PRMT2: variants seen among roughly 807,000 people sequenced by gnomAD.
PRMT2 encodes protein arginine methyltransferase 2.
In PRMT2, 26 loss-of-function variants were observed where a neutral mutation model predicts 57.6. That is an observed-to-expected ratio of 0.45 (90% CI 0.33 to 0.63). PRMT2 has a LOEUF of 0.63. PRMT2 is among the 20% of genes least tolerant of loss of function. The pLI is 0.02. For synonymous variants in PRMT2, 219 were observed against 220.0 expected, an observed-to-expected ratio of 1.00 and a Z score of 0.04; for missense variants, 472 against 564.4, an observed-to-expected ratio of 0.84 and a Z score of 1.66.
At chr21:46,659,023 A>C (rs2061581752) in intron 8 of PRMT2, 103 bp downstream of exon 8, 1 of 1,475,740 alleles carries the variant, frequency 6.8e-7, no homozygotes, top group Admixed American at 2.5e-5. Context: ...CGGTTGGATA[A>C]ATGAGGGTAC....
chr21:46,660,457 T>C (rs1287067340), intron 8 of PRMT2, among the ~76,000 whole-genome samples: 1 of 152,172 alleles, frequency 6.6e-6, no homozygotes, highest in African/African-American at 2.4e-5. Context: ...TCAAATACAT[T>C]CTAAAACTAG....
At chr21:46,653,891 T>G in intron 7 of PRMT2, 1 of 1,016,156 alleles carries the variant, frequency 9.8e-7, no homozygotes, top group Non-Finnish European at 1.2e-6. Flanking sequence ...AACAATGCAC[T>G]TTGTCTGCAC....
In PRMT2 at chr21:46,658,762, G is replaced by A; in HGVS notation, c.672G>A (p.Glu224=). Residue 224 remains glutamate (E), a synonymous_variant, in exon 8 of 12, where the codon GAG becomes GAA. Coordinates refer to ENST00000355680, the MANE Select transcript of PRMT2 (RefSeq NM_206962.4). Reference sequence around the variant, plus strand: ...CTATGCAGTTTGAGTTCATGATCGAGTCCATCCTGTATGCCCGGGATGCCT... The same window carrying A: ...CTATGCAGTTTGAGTTCATGATCGAATCCATCCTGTATGCCCGGGATGCCT... ...GTCLLFEFMI[E]SILYARDAWL... is the part of the protein sequence containing the mutation. 1 of 1,614,216 alleles carries A rather than the reference G, an allele frequency of 6.2e-7. No homozygotes were observed. Among genetic ancestry groups the A allele is most frequent in the Non-Finnish European group, 8.5e-7 (1 of 1,180,024 alleles).
At chr21:46,653,659 C>A in intron 7 of PRMT2, 2 of 1,248,682 alleles carry the variant, frequency 1.6e-6, no homozygotes, top group South Asian at 1.4e-5. Flanking sequence ...GTTGCATTCC[C>A]TGGAGCTCAT....
chr21:46,653,668 A>G lies in PRMT2; in HGVS notation c.654+3929A>G. On this transcript the variant is annotated intron_variant, in intron 7 of 11. Transcript: ENST00000355680. ...TTTTTGGTTGCATTCCCTGGAGCTCATGTAGATCATTTTACTTTTCAGAGG... is the reference window on the plus strand; with the variant it reads ...TTTTTGGTTGCATTCCCTGGAGCTCGTGTAGATCATTTTACTTTTCAGAGG... 4 of 1,254,598 alleles carry G rather than the reference A, an allele frequency of 3.2e-6. No homozygotes were observed. In the South Asian group the frequency reaches 4.2e-5, roughly 13 times the overall value. 77.7% of individuals were successfully genotyped at this position (1,254,598 alleles called of 1,614,324 possible).
intron 4 of PRMT2, 151 bp downstream of exon 4, chr21:46,643,790 G>C: frequency 9.7e-7 from 1 of 1,029,188 alleles, no homozygotes; most frequent in Non-Finnish European, 1.3e-6. Flanking sequence ...TCACAGCCCA[G>C]CCAGTTCTGC....
intron 7 of PRMT2, chr21:46,651,939 G>C: frequency 1.9e-6 from 3 of 1,613,246 alleles, no homozygotes; most frequent in Non-Finnish European, 2.5e-6. Flanking sequence ...CTTGCCTGCT[G>C]TCTGCCTGTT....
Position 46,664,627 on chromosome 21 carries a change from C to T in PRMT2, c.*300C>T. 1 of 498,764 alleles carries T rather than the reference C, an allele frequency of 2.0e-6. No individual in the cohort carries two copies. The highest frequency in any genetic ancestry group is 3.3e-5 in the Admixed American group (1 of 30,368). 30.9% of individuals were successfully genotyped at this position (498,764 alleles called of 1,614,324 possible). A position where few individuals can be genotyped will look rare whatever the true frequency, so the allele number is the denominator to read the frequency against. On this transcript the variant is annotated 3_prime_UTR_variant, in exon 12 of 12. Transcript: ENST00000355680. ...CCGACCCGTGGCTGGGTCGGAGCTC[C>T]ATGTTCCTAAGCTAGGTCTAGGTCT... is the stretch of plus-strand genomic sequence containing the variant.
At chr21:46,651,857 C>A in intron 7 of PRMT2, 1 of 1,613,016 alleles carries the variant, frequency 6.2e-7, no homozygotes, top group East Asian at 2.2e-5. Flanking sequence ...TGCGTCTGGC[C>A]CTCTTCACGT....
Position 46,649,791 on chromosome 21 carries a change from C to G in PRMT2, c.654+52C>G. 1 of 1,582,778 alleles carries G rather than the reference C, an allele frequency of 6.3e-7. No individual in the cohort carries two copies. Among genetic ancestry groups the G allele is most frequent in the Non-Finnish European group, 8.6e-7 (1 of 1,163,682 alleles). ...GGGCCGGAGCTGGGGGGCTTCTGAG[C>G]ACGGGCTCGGCTGGGCCAACCTCAG... On this transcript the variant is annotated intron_variant, in intron 7 of 11. Coordinates refer to ENST00000355680, the MANE Select transcript of PRMT2 (RefSeq NM_206962.4). The surrounding 1 kb of genome is among the most constrained non-coding windows in gnomAD (Gnocchi z 4.8).
At position 46,649,755 on chromosome 21, in the gene PRMT2, C is replaced by T. The variant is rs1372800968; in HGVS notation, c.654+16C>T. On this transcript the variant is annotated intron_variant, in intron 7 of 11. Transcript: ENST00000355680. The surrounding 1 kb of genome is among the most constrained non-coding windows in gnomAD (Gnocchi z 4.8). ...CTGCCTGCTGGTGAGGGCGGGCGTGCGGGCAGCTGGGGGCCGGAGCTGGGG... is the reference window on the plus strand; with the variant it reads ...CTGCCTGCTGGTGAGGGCGGGCGTGTGGGCAGCTGGGGGCCGGAGCTGGGG... 8 of 1,608,318 alleles carry T rather than the reference C, an allele frequency of 5.0e-6. No individual in the cohort carries two copies. Among genetic ancestry groups the T allele is most frequent in the East Asian group, 4.5e-5 (2 of 44,610 alleles).
chr21:46,649,593 A>G lies in PRMT2; in HGVS notation c.508A>G (p.Ser170Gly). The G allele has an allele frequency of 6.2e-7, 1 of 1,614,072 alleles. No individual in the cohort carries two copies. Among genetic ancestry groups the G allele is most frequent in the East Asian group, 2.2e-5 (1 of 44,880 alleles). The change falls in exon 7 of 12, where the codon AGT becomes GGT. Residue 170 changes from serine (S) to glycine (G), a missense_variant. Physicochemically the swap from Ser to Gly is moderately conservative, Grantham distance 56 (BLOSUM62 0). This residue lies in a region of PRMT2 where 243 missense variants were observed against 347.2 expected (regional missense o/e 0.70). Coordinates refer to ENST00000355680, the MANE Select transcript of PRMT2 (RefSeq NM_206962.4). This position sits in a 1 kb window ranked among gnomAD's most constrained non-coding sequence, Gnocchi z 4.8. ...GCTGCAGGTGTACGCGGTGGAGGCC[A>G]GTGAGATGGCACAGCACACGGGGCA... The part of the protein sequence containing the change: ...RPRAVYAVEA[S>G]EMAQHTGQLV...
At chr21:46,652,772 T>G in intron 7 of PRMT2, 2 of 1,192,064 alleles carry the variant, frequency 1.7e-6, no homozygotes, top group Non-Finnish European at 2.1e-6. Context: ...TGTCCTAGAT[T>G]GTCAACAGAC....
chr21:46,663,306 C>T lies in PRMT2; in HGVS notation c.1098-77C>T, dbSNP rs576448755. Reference sequence around the variant, plus strand: ...TGTTGGGGGCGAGAGCCAGTGCGAGCCTGAGTCAGCGCCCCGAGGGCCATG... The same window carrying T: ...TGTTGGGGGCGAGAGCCAGTGCGAGTCTGAGTCAGCGCCCCGAGGGCCATG... On this transcript the variant is annotated intron_variant, in intron 10 of 11. Transcript: ENST00000355680. 5.1e-5 allele frequency: 74 copies of T among 1,460,874 alleles called. No homozygotes were observed. In the East Asian group the frequency reaches 1.3e-3, roughly 26 times the overall value. The allele number at this position is 1,460,874 out of a possible 1,614,324, so 90.5% of individuals were successfully genotyped here.
chr21:46,663,874 C>T (rs547827594), intron 11 of PRMT2, among the ~76,000 whole-genome samples: 13 of 152,292 alleles, frequency 8.5e-5, no homozygotes, highest in African/African-American at 2.4e-4. Context: ...TGGACAGAAG[C>T]CTGAGCTGTG....
chr21:46,640,890 T>G (rs1047480832), intron 3 of PRMT2, among the ~76,000 whole-genome samples: 13 of 151,880 alleles, frequency 8.6e-5, no homozygotes, highest in Admixed American at 1.3e-4. Flanking sequence ...TTTGGAAAAT[T>G]TCTGTTGACC....
intron 7 of PRMT2, chr21:46,652,452 G>T: frequency 9.6e-7 from 1 of 1,044,526 alleles, no homozygotes; most frequent in Middle Eastern, 4.8e-4. Flanking sequence ...CATGGAAGGT[G>T]AGCAGGGACT....
Position 46,649,450 on chromosome 21 carries a change from G to T in PRMT2, c.490-125G>T. Reference sequence around the variant, plus strand: ...GTGGCCAGTCCTCGCTGCCTCTGCTGTCTGGAATGCTGCTTCCCTCTTGTG... The same window carrying T: ...GTGGCCAGTCCTCGCTGCCTCTGCTTTCTGGAATGCTGCTTCCCTCTTGTG... On this transcript the variant is annotated intron_variant, in intron 6 of 11. Coordinates refer to ENST00000355680, the MANE Select transcript of PRMT2 (RefSeq NM_206962.4). This position sits in a 1 kb window ranked among gnomAD's most constrained non-coding sequence, Gnocchi z 4.8. The T allele has an allele frequency of 1.3e-6, 2 of 1,494,336 alleles. No individual in the cohort carries two copies. The highest frequency in any genetic ancestry group is 1.9e-6 in the Non-Finnish European group (2 of 1,080,518). The allele number at this position is 1,494,336 out of a possible 1,614,324, so 92.6% of individuals were successfully genotyped here.
intron 7 of PRMT2, chr21:46,653,304 A>T: frequency 1.0e-6 from 1 of 985,454 alleles, no homozygotes; most frequent in Non-Finnish European, 1.2e-6. Flanking sequence ...CAGCTCATGA[A>T]AACAGGCACG....
Sources: gnomAD v4.1 joint callset for allele counts (sites outside exome capture counted in the v4.1 genomes callset) on GRCh38, gnomAD v4.1.1 for gene constraint, gnomAD v4.1.1 regional missense constraint, Gnocchi (gnomAD v3.1) non-coding constraint, MANE v1.5 for transcripts, NCBI Gene and HGNC (gene_info 2026-07-23, HGNC 2026-07-21) for gene names.